LRFN2: variants seen among roughly 807,000 people sequenced by gnomAD.
LRFN2 encodes leucine-rich repeat and fibronectin type-III domain-containing protein 2.
Under a neutral mutation model 37.3 loss-of-function variants are expected in LRFN2, and 18 were observed. The observed-to-expected ratio is 0.48, with a 90% CI of 0.33 to 0.72. The LOEUF is 0.72. Ranked by LOEUF, LRFN2 falls within the 30% of genes least tolerant of loss-of-function variation. LRFN2 has a pLI of 0.02. For missense variants in LRFN2, 1,006 were observed against 1,060.7 expected (o/e 0.95, Z 0.72); for synonymous variants, 556 against 466.6 (o/e 1.19, Z -2.47).
chr6:40,541,181 C>T (rs1262638339), intron 1 of LRFN2, among the ~76,000 whole-genome samples: 1 of 152,198 alleles, frequency 6.6e-6, no homozygotes, highest in Non-Finnish European at 1.5e-5. Context: ...GTCCCAGGCT[C>T]ACAGTGAGTG....
At chr6:40,520,946 G>A (rs1381560661) in intron 1 of LRFN2, among the ~76,000 whole-genome samples, 3 of 152,118 alleles carry the variant, frequency 2.0e-5, no homozygotes, top group African/African-American at 7.2e-5. Flanking sequence ...GAGAGTTAGA[G>A]GACCAATGAC....
At chr6:40,564,534 T>G (rs1767054486) in intron 1 of LRFN2, among the ~76,000 whole-genome samples, 1 of 152,152 alleles carries the variant, frequency 6.6e-6, no homozygotes, top group Non-Finnish European at 1.5e-5. Context: ...CTGTTGATTT[T>G]ACCACCTAAG....
intron 1 of LRFN2, among the ~76,000 whole-genome samples, chr6:40,560,061 G>A (rs1581794905): frequency 1.3e-5 from 2 of 152,206 alleles, no homozygotes; most frequent in East Asian, 3.9e-4. Context: ...GTTAGCCCTG[G>A]GTGGAGCACT....
intron 2 of LRFN2, among the ~76,000 whole-genome samples, chr6:40,403,774 A>G (rs1762790594): frequency 6.6e-6 from 1 of 151,950 alleles, no homozygotes; most frequent in Non-Finnish European, 1.5e-5. Flanking sequence ...ATCCTGTTAA[A>G]ACCCAGGTCA....
chr6:40,479,656 A>G (rs1291880564), intron 1 of LRFN2, among the ~76,000 whole-genome samples: 2 of 152,108 alleles, frequency 1.3e-5, no homozygotes, highest in South Asian at 4.1e-4. Context: ...AAGATCCTCA[A>G]TTTCTAGATA....
At chr6:40,459,650 T>C (rs1354809736) in intron 1 of LRFN2, among the ~76,000 whole-genome samples, 3 of 152,210 alleles carry the variant, frequency 2.0e-5, no homozygotes, top group African/African-American at 7.2e-5. Flanking sequence ...GCATGTTCCC[T>C]ACAACCAGGT....
At chr6:40,572,575 C>T (rs943927053) in intron 1 of LRFN2, among the ~76,000 whole-genome samples, 1 of 152,382 alleles carries the variant, frequency 6.6e-6, no homozygotes, top group South Asian at 2.1e-4. Flanking sequence ...ACCAGCCCAG[C>T]AGGCTGCCTG....
chr6:40,556,381 T>C (rs1445310752), intron 1 of LRFN2, among the ~76,000 whole-genome samples: 1 of 152,066 alleles, frequency 6.6e-6, no homozygotes, highest in Non-Finnish European at 1.5e-5. Context: ...TAATGTGATG[T>C]GAGGCTGTGC....
At chr6:40,570,593 A>G (rs985919553) in intron 1 of LRFN2, among the ~76,000 whole-genome samples, 2 of 152,102 alleles carry the variant, frequency 1.3e-5, no homozygotes, top group African/African-American at 4.8e-5. Flanking sequence ...CAATAAACCA[A>G]CAAGCAGATA....
chr6:40,499,470 AG>A (rs1765319916), intron 1 of LRFN2, among the ~76,000 whole-genome samples: 2 of 152,188 alleles, frequency 1.3e-5, no homozygotes, highest in Non-Finnish European at 2.9e-5. Flanking sequence ...GTCAGAGCCC[AG>A]GAGAAGATTT....
intron 2 of LRFN2, among the ~76,000 whole-genome samples, chr6:40,413,367 G>A (rs1763014765): frequency 6.6e-6 from 1 of 152,262 alleles, no homozygotes; most frequent in Non-Finnish European, 1.5e-5. Context: ...AGCTATACAC[G>A]CCTGCCTGCC....
intron 1 of LRFN2, among the ~76,000 whole-genome samples, chr6:40,536,864 G>A (rs1466767166): frequency 3.3e-5 from 5 of 152,302 alleles, no homozygotes; most frequent in African/African-American, 4.8e-5. Context: ...AATCATGGAT[G>A]CAGTCACCAC....
intron 1 of LRFN2, among the ~76,000 whole-genome samples, chr6:40,488,167 C>T (rs906429164): frequency 9.2e-5 from 14 of 152,160 alleles, no homozygotes; most frequent in Non-Finnish European, 1.8e-4. Flanking sequence ...AACAGGTCTT[C>T]CCCACTCTGT....
At chr6:40,410,221 T>C (rs1239445500) in intron 2 of LRFN2, among the ~76,000 whole-genome samples, 1 of 152,154 alleles carries the variant, frequency 6.6e-6, no homozygotes, top group Non-Finnish European at 1.5e-5. Flanking sequence ...AGGATGAGGC[T>C]CTAACTCCCA....
At chr6:40,533,943 T>G (rs1024191118) in intron 1 of LRFN2, among the ~76,000 whole-genome samples, 1 of 152,184 alleles carries the variant, frequency 6.6e-6, no homozygotes. Flanking sequence ...CACCGGACAC[T>G]CGGAATTCCT....
At chr6:40,467,126 C>T (rs910108082) in intron 1 of LRFN2, among the ~76,000 whole-genome samples, 4 of 151,814 alleles carry the variant, frequency 2.6e-5, no homozygotes, top group Admixed American at 6.6e-5. Flanking sequence ...GTAGACCTAG[C>T]AAAGTAATAC....
rs752732052 is a variant in LRFN2, at chr6:40,392,533, C to T, written c.1780G>A (p.Ala594Thr). The T allele has an allele frequency of 6.4e-7, 1 of 1,565,434 alleles. No individual in the cohort carries two copies. The highest frequency in any genetic ancestry group is 8.6e-7 in the Non-Finnish European group (1 of 1,159,262). Reference sequence around the variant, plus strand: ...ACCTTCGGCGGGCCCTGCGGCGGGGCCCCGGCTGGTGCGCTGCTTGGAGGC... The same window carrying T: ...ACCTTCGGCGGGCCCTGCGGCGGGGTCCCGGCTGGTGCGCTGCTTGGAGGC... ...PPPPSSAPAG[A>T]PPQGPPKVVV... Residue 594 changes from alanine to threonine, a missense_variant, in exon 3 of 3, where the codon GCC becomes ACC. Physicochemically the swap from Ala to Thr is moderately conservative, Grantham distance 58. Coordinates refer to ENST00000338305, the MANE Select transcript of LRFN2 (RefSeq NM_020737.3). This position sits in a 1 kb window ranked among gnomAD's most constrained non-coding sequence, Gnocchi z 4.7.
chr6:40,536,863 T>C (rs126774), intron 1 of LRFN2, among the ~76,000 whole-genome samples: 151,341 of 152,352 alleles, frequency 0.99, 75,169 homozygotes, highest in Middle Eastern at 1. Context: ...TAATCATGGA[T>C]GCAGTCACCA....
At chr6:40,421,642 G>T (rs1763231383) in intron 2 of LRFN2, among the ~76,000 whole-genome samples, 2 of 152,180 alleles carry the variant, frequency 1.3e-5, no homozygotes, top group East Asian at 3.8e-4. Flanking sequence ...CAGACTTAAA[G>T]AGTCTGTTCT....
Sources: gnomAD v4.1 joint callset for allele counts (sites outside exome capture counted in the v4.1 genomes callset) on GRCh38, gnomAD v4.1.1 for gene constraint, Gnocchi (gnomAD v3.1) non-coding constraint, MANE v1.5 for transcripts, NCBI Gene and HGNC (gene_info 2026-07-23, HGNC 2026-07-21) for gene names.